LUZP2: variants seen among roughly 807,000 people sequenced by gnomAD.
LUZP2 encodes the protein leucine zipper protein 2.
LUZP2 carries 52 observed loss-of-function variants against 51.6 expected under a neutral mutation model. The ratio of observed to expected loss-of-function variants is 1.01; its 90% CI spans 0.81 to 1.27. The LOEUF (loss-of-function observed/expected upper bound fraction) is 1.27. Among genes scored for constraint, LUZP2 ranks in the 50% most tolerant of loss-of-function variants. The pLI, the probability that LUZP2 is intolerant of heterozygous loss-of-function variation, is 0.00. For synonymous variants in LUZP2, 154 were observed against 137.3 expected (o/e 1.12, Z -0.85); for missense variants, 436 against 395.4 (o/e 1.10, Z -0.87).
intron 5 of LUZP2, among the ~76,000 whole-genome samples, chr11:24,775,439 T>A (rs1848887643): frequency 6.6e-6 from 1 of 152,190 alleles, no homozygotes; most frequent in African/African-American, 2.4e-5. Flanking sequence ...AATCCAATTG[T>A]TACAGCCAAA....
chr11:24,893,728 A>T (rs781366292), intron 5 of LUZP2, among the ~76,000 whole-genome samples: 9 of 151,302 alleles, frequency 5.9e-5, no homozygotes, highest in Non-Finnish European at 1.2e-4. Context: ...TTTCATTTCC[A>T]TCCAATTTCA....
chr11:24,835,152 C>G (rs779126136), intron 5 of LUZP2, among the ~76,000 whole-genome samples: 9 of 152,038 alleles, frequency 5.9e-5, no homozygotes, highest in Non-Finnish European at 1.3e-4. Context: ...AGAAATAACA[C>G]CACACATCTA....
chr11:24,904,310 T>C lies in LUZP2; in HGVS notation c.397-1681T>C, dbSNP rs373625964. The stretch of plus-strand genomic sequence containing the variant: ...TTGCCATTTTTTTTTTCAGACAGAG[T>C]CTTGCTCTGCCACCCAGGCTGGAGT... On this transcript the variant is annotated intron_variant, in intron 5 of 11. Coordinates refer to ENST00000336930, the MANE Select transcript of LUZP2 (RefSeq NM_001009909.4). 7.9e-4 allele frequency among the ~76,000 whole-genome samples: 120 copies of C among 152,052 alleles called. 1 individual carries two copies. The highest frequency in any genetic ancestry group is 2.7e-3 in the African/African-American group (111 of 41,462).
intron 1 of LUZP2, among the ~76,000 whole-genome samples, chr11:24,692,239 T>C (rs1857095238): frequency 6.6e-6 from 1 of 151,964 alleles, no homozygotes; most frequent in African/African-American, 2.4e-5. Flanking sequence ...GTTACAGAGC[T>C]TCACAGGTTA....
At chr11:24,940,823 A>G (rs1854725691) in intron 7 of LUZP2, among the ~76,000 whole-genome samples, 1 of 152,090 alleles carries the variant, frequency 6.6e-6, no homozygotes, top group Non-Finnish European at 1.5e-5. Context: ...TATTTTCCCA[A>G]CTGCAAAATA....
At chr11:24,644,905 T>C (rs1855417616) in intron 1 of LUZP2, among the ~76,000 whole-genome samples, 1 of 152,156 alleles carries the variant, frequency 6.6e-6, no homozygotes, top group Non-Finnish European at 1.5e-5. Context: ...GCGTTTCAGA[T>C]AAAAAACAAG....
intron 1 of LUZP2, among the ~76,000 whole-genome samples, chr11:24,652,397 G>A (rs1296250943): frequency 6.6e-6 from 1 of 152,008 alleles, no homozygotes; most frequent in Admixed American, 6.6e-5. Flanking sequence ...CAAAATTGGA[G>A]AATTCAGTAG....
chr11:24,700,987 G>T (rs1554975471), intron 1 of LUZP2, among the ~76,000 whole-genome samples: 1 of 152,072 alleles, frequency 6.6e-6, no homozygotes, highest in Non-Finnish European at 1.5e-5. Context: ...GGAAAAAGAA[G>T]AAAAAACATC....
At chr11:24,805,430 G>C (rs1012151145) in intron 5 of LUZP2, among the ~76,000 whole-genome samples, 2 of 152,096 alleles carry the variant, frequency 1.3e-5, no homozygotes, top group African/African-American at 4.8e-5. Flanking sequence ...GGCCACGCTG[G>C]TCTCAAACTC....
intron 5 of LUZP2, among the ~76,000 whole-genome samples, chr11:24,804,258 A>G (rs1849787067): frequency 6.6e-6 from 1 of 151,972 alleles, no homozygotes; most frequent in South Asian, 2.1e-4. Context: ...TTGAGAAGGC[A>G]GTAGCCATCT....
chr11:24,784,133 A>G (rs1252353071), intron 5 of LUZP2, among the ~76,000 whole-genome samples: 1 of 151,974 alleles, frequency 6.6e-6, no homozygotes, highest in Non-Finnish European at 1.5e-5. Context: ...CATAACTGTT[A>G]TGTAAACAGA....
intron 1 of LUZP2, among the ~76,000 whole-genome samples, chr11:24,529,696 T>C (rs1284442025): frequency 6.6e-6 from 1 of 150,928 alleles, no homozygotes; most frequent in Non-Finnish European, 1.5e-5. Flanking sequence ...GTAGTGAAAT[T>C]TCCCCCCATT....
chr11:24,628,848 C>T lies in LUZP2; in HGVS notation c.63-100321C>T, dbSNP rs557763703. Among the ~76,000 whole-genome samples, 5 of 152,158 alleles carry T rather than the reference C, an allele frequency of 3.3e-5. No homozygotes were observed. In the South Asian group the frequency reaches 1.0e-3, roughly 32 times the overall value. ...TGCTGGGATTACAGGCATGAGGCCT[C>T]TTGCCCGGCCTGCTTGGTCCTTTAT... is the stretch of plus-strand genomic sequence containing the variant. On this transcript the variant is annotated intron_variant, in intron 1 of 11. Coordinates refer to ENST00000336930, the MANE Select transcript of LUZP2 (RefSeq NM_001009909.4).
intron 1 of LUZP2, among the ~76,000 whole-genome samples, chr11:24,686,957 C>T (rs369350426): frequency 4.6e-4 from 70 of 152,190 alleles, no homozygotes; most frequent in African/African-American, 1.7e-3. Context: ...TACCCAAAGA[C>T]AACTTGGTCA....
At chr11:25,030,982 A>G (rs1223387723) in intron 9 of LUZP2, among the ~76,000 whole-genome samples, 1 of 2,008 alleles carries the variant, frequency 5.0e-4, no homozygotes, top group African/African-American at 3.8e-3. Context: ...ATATATATAT[A>G]ATACAATATA....
intron 6 of LUZP2, among the ~76,000 whole-genome samples, chr11:24,908,417 A>G (rs977933316): frequency 6.6e-6 from 1 of 152,206 alleles, no homozygotes; most frequent in Admixed American, 6.5e-5. Context: ...ATGGCTGCCT[A>G]CTTTTTCATC....
Position 24,817,545 on chromosome 11 carries a change from C to T in LUZP2, c.396+54237C>T, listed in dbSNP as rs866033618. Among the ~76,000 whole-genome samples, 30 of 152,096 alleles carry T rather than the reference C, an allele frequency of 2.0e-4. No homozygotes were observed. In the Middle Eastern group the frequency reaches 0.01, roughly 52 times the overall value. On this transcript the variant is annotated intron_variant, in intron 5 of 11. Coordinates refer to ENST00000336930, the MANE Select transcript of LUZP2 (RefSeq NM_001009909.4). ...TCCAAATTTCAACAGATCTGTTTGTCTTCAACGCCCACATATTTTCCAAAT... is the reference window on the plus strand; with the variant it reads ...TCCAAATTTCAACAGATCTGTTTGTTTTCAACGCCCACATATTTTCCAAAT...
At chr11:24,716,357 C>CA (rs1858042636) in intron 1 of LUZP2, among the ~76,000 whole-genome samples, 2 of 151,974 alleles carry the variant, frequency 1.3e-5, no homozygotes, top group African/African-American at 2.4e-5. Flanking sequence ...TCATTAAAGA[C>CA]AAAAAACAAA....
intron 7 of LUZP2, among the ~76,000 whole-genome samples, chr11:24,954,437 T>G (rs1250441732): frequency 6.6e-6 from 1 of 152,068 alleles, no homozygotes; most frequent in Non-Finnish European, 1.5e-5. Context: ...CAGAGAGACC[T>G]ACCACTTGTG....
Sources: allele counts gnomAD v4.1 joint callset (sites outside exome capture counted in the v4.1 genomes callset), GRCh38; gene constraint gnomAD v4.1.1; transcripts MANE v1.5; gene names NCBI Gene and HGNC (gene_info 2026-07-23, HGNC 2026-07-21).